ATP10A: variants seen among roughly 807,000 people sequenced by gnomAD.
The protein encoded by ATP10A is ATPase phospholipid transporting 10A (putative).
A neutral mutation model predicts 147.8 loss-of-function variants in ATP10A; 111 were observed. The observed-to-expected ratio is 0.75, with a 90% CI of 0.64 to 0.88. The LOEUF is 0.88. ATP10A is among the 40% of genes least tolerant of loss of function. The probability of loss-of-function intolerance (pLI) is 0.00; values close to 1 mark genes in which losing one functional copy is unlikely to be tolerated. For synonymous variants in ATP10A, 875 were observed against 841.6 expected, an observed-to-expected ratio of 1.04 and a Z score of -0.69; for missense variants, 1,927 against 1,959.0, an observed-to-expected ratio of 0.98 and a Z score of 0.31.
chr15:25,723,889 AC>A lies in ATP10A; in HGVS notation c.1110+1del. The stretch of plus-strand genomic sequence containing the variant: ...TTATTGTACGATACTTAGTATTGTT[AC>A]CTGCAGAACTATTATCATTGTTAAA... On this transcript the variant is annotated splice_donor_variant, in intron 6 of 20. Coordinates refer to ENST00000555815, the MANE Select transcript of ATP10A (RefSeq NM_024490.4). LOFTEE classifies it high-confidence loss of function. 4 of 1,591,412 alleles carry A rather than the reference AC, an allele frequency of 2.5e-6. No individual in the cohort carries two copies. The highest frequency in any genetic ancestry group is 3.4e-6 in the Non-Finnish European group (4 of 1,171,864).
At chr15:25,719,468 G>C (rs1374701562) in intron 7 of ATP10A, among the ~76,000 whole-genome samples, 1 of 152,122 alleles carries the variant, frequency 6.6e-6, no homozygotes, top group African/African-American at 2.4e-5. Flanking sequence ...CCAGTGCACC[G>C]GAAGCAAGGA....
intron 1 of ATP10A, among the ~76,000 whole-genome samples, chr15:25,791,575 C>T (rs1300862825): frequency 6.6e-6 from 1 of 151,876 alleles, no homozygotes; most frequent in Non-Finnish European, 1.5e-5. Context: ...GTTGTAGAGA[C>T]GGAGTCTTGC....
At chr15:25,727,568 G>A (rs1902657788) in intron 3 of ATP10A, among the ~76,000 whole-genome samples, 1 of 152,154 alleles carries the variant, frequency 6.6e-6, no homozygotes, top group Non-Finnish European at 1.5e-5. Flanking sequence ...CACTAGGAAG[G>A]GCAAACTCCC....
intron 1 of ATP10A, among the ~76,000 whole-genome samples, chr15:25,794,729 G>C (rs534004361): frequency 6.6e-6 from 1 of 152,314 alleles, no homozygotes; most frequent in African/African-American, 2.4e-5. Flanking sequence ...TAACAAGGCT[G>C]AAACGCAGAA....
At chr15:25,796,050 G>T (rs916991934) in intron 1 of ATP10A, among the ~76,000 whole-genome samples, 1 of 152,174 alleles carries the variant, frequency 6.6e-6, no homozygotes, top group Non-Finnish European at 1.5e-5. Flanking sequence ...CTGCAGAACC[G>T]TGAGCCAAAT....
At chr15:25,857,487 T>A (rs538511772) in intron 1 of ATP10A, among the ~76,000 whole-genome samples, 2 of 152,184 alleles carry the variant, frequency 1.3e-5, no homozygotes, top group Non-Finnish European at 2.9e-5. Flanking sequence ...ATGGTATTTA[T>A]AGTTTAGTTT....
chr15:25,750,290 T>G (rs1302380062), intron 2 of ATP10A, among the ~76,000 whole-genome samples: 4 of 152,090 alleles, frequency 2.6e-5, no homozygotes. Context: ...AGCAACATCT[T>G]TAAAGCACCA....
chr15:25,841,192 T>C (rs1470241216), intron 1 of ATP10A, among the ~76,000 whole-genome samples: 1 of 152,210 alleles, frequency 6.6e-6, no homozygotes, highest in East Asian at 1.9e-4. Flanking sequence ...AAATGTTTTA[T>C]GTTTTCTTTT....
chr15:25,863,040 G>C lies in ATP10A; in HGVS notation c.57C>G (p.Arg19=), dbSNP rs1380820123. The part of the protein sequence containing the change: ...EEPGPPGRRR[R]REGRTRTVRS... ...GCACCGTGCGCGTCCTGCCCTCTCG[G>C]CGCCTCCGCCGTCCCGGAGGCCCGG... Residue 19 remains arginine (R), a synonymous_variant, in exon 1 of 21, where the codon CGC becomes CGG. Transcript: ENST00000555815. The C allele has an allele frequency of 3.9e-6, 5 of 1,270,530 alleles. No individual in the cohort carries two copies. Among genetic ancestry groups the C allele is most frequent in the Non-Finnish European group, 4.9e-6 (5 of 1,013,098 alleles). The allele number at this position is 1,270,530 out of a possible 1,614,324, so 78.7% of individuals were successfully genotyped here.
At chr15:25,792,873 CT>C (rs56011953) in intron 1 of ATP10A, among the ~76,000 whole-genome samples, 43,204 of 134,078 alleles carry the variant, frequency 0.32, 7,341 homozygotes, top group East Asian at 0.44. Flanking sequence ...CCTTTTCAAT[CT>C]TTTTTTTTTT....
rs147053736 is a variant in ATP10A at position 25,832,897 on chromosome 15, C to T, written c.449+29751G>A. On this transcript the variant is annotated intron_variant, in intron 1 of 20. Transcript: ENST00000555815. ...TTATCACAATTTGATCATTACAAAC[C>T]GTATACATAGGCAATATCACTCTGT... Among the ~76,000 whole-genome samples, 463 of 152,010 alleles carry T rather than the reference C, an allele frequency of 3.0e-3. 4 individuals are homozygous for T. Among genetic ancestry groups the T allele is most frequent in the African/African-American group, 0.011 (448 of 41,450 alleles).
At chr15:25,719,258 G>A (rs757616052) in intron 7 of ATP10A, among the ~76,000 whole-genome samples, 2 of 152,170 alleles carry the variant, frequency 1.3e-5, no homozygotes, top group African/African-American at 4.8e-5. Context: ...TTATGGAGCC[G>A]GCCAGCCGCG....
intron 1 of ATP10A, among the ~76,000 whole-genome samples, chr15:25,835,038 T>C (rs1254809135): frequency 6.6e-6 from 1 of 152,106 alleles, no homozygotes; most frequent in Non-Finnish European, 1.5e-5. Flanking sequence ...CGAGGCAGGA[T>C]GATCACTTGA....
chr15:25,840,119 A>C (rs1033169228), intron 1 of ATP10A, among the ~76,000 whole-genome samples: 1 of 152,094 alleles, frequency 6.6e-6, no homozygotes, highest in Admixed American at 6.5e-5. Context: ...TTATTTCACA[A>C]ATGTTCTATA....
intron 5 of ATP10A, 24 bp from the exon 6 acceptor site, chr15:25,724,045 T>C: frequency 6.7e-7 from 1 of 1,490,474 alleles, no homozygotes; most frequent in South Asian, 1.4e-5. Flanking sequence ...CAAAGAGAAA[T>C]GTCATTCATC....
intron 2 of ATP10A, among the ~76,000 whole-genome samples, chr15:25,773,818 C>A (rs8028014): frequency 4.4e-4 from 60 of 137,908 alleles, no homozygotes; most frequent in Middle Eastern, 3.6e-3. Flanking sequence ...ACCTAAACAT[C>A]CACACACACA....
chr15:25,778,142 A>G (rs892716849), intron 2 of ATP10A, among the ~76,000 whole-genome samples: 2 of 152,046 alleles, frequency 1.3e-5, no homozygotes, highest in African/African-American at 4.8e-5. Flanking sequence ...CTTCTCCTTA[A>G]CCTAAGCGTT....
Position 25,680,997 on chromosome 15 carries a change from G to A in ATP10A, c.3570C>T (p.Tyr1190=), listed in dbSNP as rs771825351. The change falls in exon 18 of 21, where the codon TAC becomes TAT. Residue 1190 remains tyrosine (Y), a synonymous_variant. Coordinates refer to ENST00000555815, the MANE Select transcript of ATP10A (RefSeq NM_024490.4). The part of the protein sequence containing the change: ...FQSLVCFSIP[Y]LAYYDSNVDL... ...CTGCACCCAGGGGCCAACTTACCAG[G>A]TAAGGAATGGAAAAGCAAACCAGGC... 6.2e-7 allele frequency: 1 copy of A among 1,614,096 alleles called. No homozygotes were observed. Among genetic ancestry groups the A allele is most frequent in the Non-Finnish European group, 8.5e-7 (1 of 1,179,988 alleles).
At chr15:25,690,764 C>T (rs908331607) in intron 15 of ATP10A, among the ~76,000 whole-genome samples, 3 of 152,204 alleles carry the variant, frequency 2.0e-5, no homozygotes, top group African/African-American at 7.2e-5. Flanking sequence ...ACACTGGGCA[C>T]TGTGAAGACA....
Sources: allele counts gnomAD v4.1 joint callset (sites outside exome capture counted in the v4.1 genomes callset), GRCh38; gene constraint gnomAD v4.1.1; transcripts MANE v1.5; gene names NCBI Gene and HGNC (gene_info 2026-07-23, HGNC 2026-07-21).